Variants in SLC35A5 observed in about 807,000 individuals in gnomAD.
The protein encoded by SLC35A5 is UDP-sugar transporter protein SLC35A5.
In SLC35A5, 28 loss-of-function variants were observed where a neutral mutation model predicts 36.3. That is an observed-to-expected ratio of 0.77 (90% CI 0.57 to 1.06). The LOEUF (loss-of-function observed/expected upper bound fraction) is 1.06, where lower values mean the gene tolerates loss of function less well. SLC35A5 is among the 50% of genes least tolerant of loss of function. The probability of loss-of-function intolerance (pLI) is 0.00; values close to 1 mark genes in which losing one functional copy is unlikely to be tolerated. For missense variants in SLC35A5, 521 were observed against 499.3 expected (o/e 1.04, Z -0.41); for synonymous variants, 180 against 173.7 (o/e 1.04, Z -0.29).
chr3:112,566,607 C>T (rs1934206422), intron 2 of SLC35A5, among the ~76,000 whole-genome samples: 1 of 152,060 alleles, frequency 6.6e-6, no homozygotes, highest in Non-Finnish European at 1.5e-5. Context: ...GCACATGACT[C>T]ATAGAAAGGA....
chr3:112,570,475 AG>A, intron 3 of SLC35A5, 64 bp from the exon 4 acceptor site: 1 of 1,504,776 alleles, frequency 6.6e-7, no homozygotes, highest in Non-Finnish European at 8.9e-7. Flanking sequence ...AATCAAGTGC[AG>A]TGTAATTTCT....
chr3:112,565,889 G>A (rs1317183428), intron 2 of SLC35A5, among the ~76,000 whole-genome samples: 1 of 152,208 alleles, frequency 6.6e-6, no homozygotes, highest in Non-Finnish European at 1.5e-5. Flanking sequence ...AAGGAGCTGG[G>A]ACCTTAGTCT....
At chr3:112,562,532 C>T (rs1301391459) in intron 1 of SLC35A5, among the ~76,000 whole-genome samples, 3 of 152,180 alleles carry the variant, frequency 2.0e-5, no homozygotes, top group Non-Finnish European at 4.4e-5. Flanking sequence ...ACTTACCCAA[C>T]CTGGGGTTTA....
chr3:112,561,351 T>A, upstream of SLC35A5: 1 of 1,203,756 alleles, frequency 8.3e-7, no homozygotes. Context: ...CCCTACTGCC[T>A]TCCTACACCT....
At position 112,585,340 on chromosome 3, in the gene SLC35A5, G is replaced by T. The variant is rs1220503080; in HGVS notation, c.*2604G>T. On this transcript the variant is annotated 3_prime_UTR_variant, in exon 7 of 7. Transcript: ENST00000492406. ...CCACCTGGTTCCTTCCTCAACACCTGGGGATTATGGGGATTACAATTCAAG... is the reference window on the plus strand; with the variant it reads ...CCACCTGGTTCCTTCCTCAACACCTTGGGATTATGGGGATTACAATTCAAG... 6.6e-6 allele frequency: 1 copy of T among 152,068 alleles called. No individual in the cohort carries two copies. Among genetic ancestry groups the T allele is most frequent in the South Asian group, 2.1e-4 (1 of 4,814 alleles). The allele number at this position is 152,068 out of a possible 1,614,324, so 9.4% of individuals were successfully genotyped here.
intron 2 of SLC35A5, among the ~76,000 whole-genome samples, chr3:112,565,087 C>T (rs1042232728): frequency 6.6e-6 from 1 of 152,216 alleles, no homozygotes; most frequent in Non-Finnish European, 1.5e-5. Flanking sequence ...CAAGTCTCTA[C>T]TGCAGTTAAC....
chr3:112,576,061 T>G (rs1174831777), intron 5 of SLC35A5, among the ~76,000 whole-genome samples: 1 of 151,780 alleles, frequency 6.6e-6, no homozygotes, highest in Non-Finnish European at 1.5e-5. Context: ...CGCCTGGCCT[T>G]ATTACATTTT....
intron 5 of SLC35A5, among the ~76,000 whole-genome samples, chr3:112,580,007 T>C (rs1934831438): frequency 6.6e-6 from 1 of 152,248 alleles, no homozygotes; most frequent in Non-Finnish European, 1.5e-5. Flanking sequence ...GCCAGCAGTT[T>C]GCTGTTTAAT....
intron 5 of SLC35A5, among the ~76,000 whole-genome samples, chr3:112,577,871 CTT>C (rs1934739551): frequency 1.3e-5 from 2 of 152,154 alleles, no homozygotes; most frequent in South Asian, 4.1e-4. Context: ...TTGTCACTCT[CTT>C]TGTGCTACTA....
intron 2 of SLC35A5, among the ~76,000 whole-genome samples, chr3:112,566,510 A>T (rs1480377104): frequency 6.6e-6 from 1 of 152,234 alleles, no homozygotes; most frequent in East Asian, 1.9e-4. Flanking sequence ...AAGAGGGCCA[A>T]ACTCCGAGGA....
intron 5 of SLC35A5, among the ~76,000 whole-genome samples, chr3:112,579,710 A>T (rs1279386322): frequency 6.6e-6 from 1 of 152,044 alleles, no homozygotes; most frequent in African/African-American, 2.4e-5. Context: ...TTGTCCCATT[A>T]ATCACTTTTC....
In SLC35A5 at chr3:112,563,519, A is replaced by G. The variant is rs1174457653; in HGVS notation, c.116A>G (p.Tyr39Cys). Residue 39 changes from tyrosine (Y) to cysteine (C), a missense_variant, in exon 2 of 7, where the codon TAT becomes TGT. Tyr to Cys is a radical substitution (Grantham distance 194, BLOSUM62 -2). Coordinates refer to ENST00000492406, the MANE Select transcript of SLC35A5 (RefSeq NM_017945.5). ...TCAAGTCGCATCTTACTAGTGAAGT[A>G]TTCTGCCAATGAAGGTAAGTTAAGA... Reference protein sequence around the residue: ...LSSSRILLVKYSANEENKYDY... With the variant: ...LSSSRILLVKCSANEENKYDY... 2 of 1,602,392 alleles carry G rather than the reference A, an allele frequency of 1.2e-6. No homozygotes were observed. The highest frequency in any genetic ancestry group is 4.5e-5 in the East Asian group (2 of 44,652).
At chr3:112,579,689 G>A (rs77517158) in intron 5 of SLC35A5, among the ~76,000 whole-genome samples, 2,725 of 152,142 alleles carry the variant, frequency 0.018, 49 homozygotes, top group Middle Eastern at 0.024. Flanking sequence ...GTGTTCCTCA[G>A]TTTACTCCAC....
chr3:112,563,241 G>T, intron 1 of SLC35A5, 144 bp from the exon 2 acceptor site: 1 of 510,358 alleles, frequency 2.0e-6, no homozygotes. Flanking sequence ...TTTTGTCATA[G>T]TTTCTTTATG....
At chr3:112,566,747 A>G (rs1449985266) in intron 2 of SLC35A5, among the ~76,000 whole-genome samples, 2 of 152,262 alleles carry the variant, frequency 1.3e-5, no homozygotes, top group East Asian at 1.9e-4. Context: ...ATATCAGATT[A>G]CTTGGAGATA....
rs1935000602 is a variant in SLC35A5, at chr3:112,582,965, C to G, written c.*229C>G. The G allele has an allele frequency of 1.0e-5, 5 of 490,358 alleles. No individual in the cohort carries two copies. In the South Asian group the frequency reaches 2.1e-4, roughly 20 times the overall value. The allele number at this position is 490,358 out of a possible 1,614,324, so 30.4% of individuals were successfully genotyped here. On this transcript the variant is annotated 3_prime_UTR_variant, in exon 7 of 7. Transcript: ENST00000492406. ...AACAATATGAAGAATTCATTAATATCTCAGTACTTGATAAATCAGAAAGTT... is the reference window on the plus strand; with the variant it reads ...AACAATATGAAGAATTCATTAATATGTCAGTACTTGATAAATCAGAAAGTT...
upstream of SLC35A5, chr3:112,561,385 C>T (rs1933870790): frequency 6.6e-7 from 1 of 1,510,564 alleles, no homozygotes; most frequent in South Asian, 1.1e-5. Flanking sequence ...AAAGCGGGGA[C>T]TCCTGCGGCG....
At chr3:112,574,008 G>T (rs545287120) in intron 5 of SLC35A5, 52 bp downstream of exon 5, 1 of 1,459,376 alleles carries the variant, frequency 6.9e-7, no homozygotes, top group Middle Eastern at 1.8e-4. Flanking sequence ...AACATAGCCC[G>T]GTTTCAAATG....
rs1934566388 is a variant in SLC35A5 at position 112,573,965 on chromosome 3, C to T, written c.428+9C>T. Reference sequence around the variant, plus strand: ...TTCAGGATAGTGCTGAAGTAAGTAACTTGCTGTGAAAACATATATCATACT... The same window carrying T: ...TTCAGGATAGTGCTGAAGTAAGTAATTTGCTGTGAAAACATATATCATACT... On this transcript the variant is annotated intron_variant, in intron 5 of 6. Coordinates refer to ENST00000492406, the MANE Select transcript of SLC35A5 (RefSeq NM_017945.5). 1.9e-6 allele frequency: 3 copies of T among 1,606,734 alleles called. No individual in the cohort carries two copies. The highest frequency in any genetic ancestry group is 2.6e-6 in the Non-Finnish European group (3 of 1,173,712).
Sources: gnomAD v4.1 joint callset for allele counts (sites outside exome capture counted in the v4.1 genomes callset) on GRCh38, gnomAD v4.1.1 for gene constraint, MANE v1.5 for transcripts, NCBI Gene and HGNC (gene_info 2026-07-23, HGNC 2026-07-21) for gene names.